The following BICC1 variants were observed in gnomAD, a reference collection of about 807,000 sequenced individuals.
The protein encoded by BICC1 is protein bicaudal C homolog 1.
In BICC1, 43 loss-of-function variants were observed where a neutral mutation model predicts 111.0. That is an observed-to-expected ratio of 0.39 (90% CI 0.30 to 0.50). The LOEUF (loss-of-function observed/expected upper bound fraction) is 0.50, where lower values mean the gene tolerates loss of function less well. BICC1 is among the 20% of genes least tolerant of loss of function. BICC1 has a pLI of 0.88. For synonymous variants in BICC1, 467 were observed against 434.4 expected (o/e 1.07, Z -0.93); for missense variants, 1,091 against 1,203.2 (o/e 0.91, Z 1.38).
intron 3 of BICC1, among the ~76,000 whole-genome samples, chr10:58,779,548 C>G (rs141042231): frequency 3.7e-4 from 56 of 152,246 alleles, no homozygotes; most frequent in Non-Finnish European, 7.1e-4. Context: ...AGTTTAAGAA[C>G]CTTATAGTAC....
intron 1 of BICC1, among the ~76,000 whole-genome samples, chr10:58,609,276 C>T (rs74477099): frequency 0.036 from 5,515 of 152,278 alleles, 311 homozygotes; most frequent in African/African-American, 0.13. Flanking sequence ...TTCCTTCCTC[C>T]TGCAAAATGT....
At chr10:58,614,657 C>G (rs1446782456) in intron 1 of BICC1, among the ~76,000 whole-genome samples, 2 of 151,978 alleles carry the variant, frequency 1.3e-5, no homozygotes, top group African/African-American at 4.8e-5. Context: ...TTTTATTCAT[C>G]TGGAGGTTGA....
At chr10:58,639,868 A>G (rs577697781) in intron 2 of BICC1, among the ~76,000 whole-genome samples, 133 of 151,792 alleles carry the variant, frequency 8.8e-4, no homozygotes, top group African/African-American at 3.0e-3. Flanking sequence ...ATGTGCCACC[A>G]TGCCTGGCTA....
rs776090151 is a variant in BICC1 at position 58,799,452 on chromosome 10, TA to T, written c.1725+201del. ...TTTTTTTCAACTTTTATTTTAGGTT[TA>T]GGGGGCACATATGCAGGTTTGTTAC... On this transcript the variant is annotated intron_variant, in intron 12 of 20. Transcript: ENST00000373886. 6.6e-4 allele frequency among the ~76,000 whole-genome samples: 100 copies of T among 152,200 alleles called. 2 individuals carry two copies. The highest frequency in any genetic ancestry group is 2.2e-4 in the Non-Finnish European group (15 of 68,022).
rs571412154 is a variant in BICC1, at chr10:58,641,277, C to T, written c.237+20376C>T. ...CGATGGCTGCTATTCATTATCTACTCTGTGTTGGACAGGCTCGGGGTTTTG... is the reference window on the plus strand; with the variant it reads ...CGATGGCTGCTATTCATTATCTACTTTGTGTTGGACAGGCTCGGGGTTTTG... On this transcript the variant is annotated intron_variant, in intron 2 of 20. Transcript: ENST00000373886. Among the ~76,000 whole-genome samples the T allele has an allele frequency of 2.0e-5, 3 of 152,280 alleles. No individual in the cohort carries two copies. In the East Asian group the frequency reaches 5.8e-4, roughly 29 times the overall value.
At chr10:58,813,314 G>A (rs1377597639) in intron 17 of BICC1, among the ~76,000 whole-genome samples, 1 of 152,136 alleles carries the variant, frequency 6.6e-6, no homozygotes, top group African/African-American at 2.4e-5. Flanking sequence ...TATGTAATTT[G>A]TTAGAGAGAT....
intron 1 of BICC1, among the ~76,000 whole-genome samples, chr10:58,573,988 T>C (rs1844037217): frequency 6.6e-6 from 1 of 152,158 alleles, no homozygotes; most frequent in Non-Finnish European, 1.5e-5. Flanking sequence ...TCCATTTTGC[T>C]AACTAACAAA....
intron 10 of BICC1, 89 bp from the exon 11 acceptor site, chr10:58,798,310 T>C: frequency 1.0e-6 from 1 of 956,628 alleles, no homozygotes; most frequent in Non-Finnish European, 1.5e-6. Flanking sequence ...GATTATATCA[T>C]TGTGCATTCC....
intron 1 of BICC1, among the ~76,000 whole-genome samples, chr10:58,601,802 T>C (rs1866168): frequency 0.29 from 43,315 of 151,974 alleles, 6,485 homozygotes; most frequent in East Asian, 0.45. Flanking sequence ...TTAAGTTACC[T>C]GGGAAAATAC....
At chr10:58,702,513 GT>G (rs546798419) in intron 3 of BICC1, among the ~76,000 whole-genome samples, 21 of 147,796 alleles carry the variant, frequency 1.4e-4, no homozygotes, top group African/African-American at 2.2e-4. Context: ...TTAATAGCTG[GT>G]TTTTTTTTTC....
At chr10:58,694,870 G>A (rs1410795931) in intron 2 of BICC1, among the ~76,000 whole-genome samples, 2 of 152,072 alleles carry the variant, frequency 1.3e-5, no homozygotes, top group Non-Finnish European at 1.5e-5. Context: ...CTGAGAGGTG[G>A]AGCTTTCAGA....
chr10:58,665,164 C>T (rs1400115638), intron 2 of BICC1, among the ~76,000 whole-genome samples: 3 of 152,064 alleles, frequency 2.0e-5, no homozygotes, highest in African/African-American at 4.8e-5. Context: ...TTCCCAGCCT[C>T]AGTTTTAGTC....
chr10:58,820,545 AC>A, intron 20 of BICC1, 77 bp downstream of exon 20: 1 of 1,046,634 alleles, frequency 9.6e-7, no homozygotes, highest in Non-Finnish European at 1.5e-6. Flanking sequence ...GGTTGTTTCT[AC>A]CCATTAACTG....
At chr10:58,645,620 G>A (rs1416635463) in intron 2 of BICC1, among the ~76,000 whole-genome samples, 1 of 152,080 alleles carries the variant, frequency 6.6e-6, no homozygotes, top group African/African-American at 2.4e-5. Flanking sequence ...GGCTCGCAGT[G>A]TAGTAAACCC....
chr10:58,660,813 C>A (rs1410148307), intron 2 of BICC1, among the ~76,000 whole-genome samples: 2 of 152,198 alleles, frequency 1.3e-5, no homozygotes, highest in African/African-American at 4.8e-5. Flanking sequence ...AAAGTCACCC[C>A]AGGCGACTTC....
intron 2 of BICC1, among the ~76,000 whole-genome samples, chr10:58,639,793 G>A (rs1244287810): frequency 7.2e-6 from 1 of 138,236 alleles, no homozygotes; most frequent in Non-Finnish European, 1.5e-5. Context: ...GCTCAATGAA[G>A]CCTCAACCTC....
rs1476430173 is a variant in BICC1, at chr10:58,620,858, C to T, written c.194C>T (p.Ala65Val). Residue 65 changes from alanine (A) to valine (V), a missense_variant, in exon 2 of 21, where the codon GCT becomes GTT. This residue lies in a region of BICC1 where 843 missense variants were observed against 900.8 expected (regional missense o/e 0.94). Transcript: ENST00000373886. ...RKKLEAMLQAAAEGKGRSGED... is the reference protein window; with the variant it reads ...RKKLEAMLQAVAEGKGRSGED... ...ATGTGCACATTTTTATTTACAGCTG[C>T]TGCTGAAGGGAAAGGCAGAAGTGGG... is the stretch of plus-strand genomic sequence containing the variant. 1 of 1,612,864 alleles carries T rather than the reference C, an allele frequency of 6.2e-7. No homozygotes were observed. The highest frequency in any genetic ancestry group is 8.5e-7 in the Non-Finnish European group (1 of 1,179,586).
At chr10:58,759,927 C>G (rs943800219) in intron 3 of BICC1, among the ~76,000 whole-genome samples, 3 of 150,174 alleles carry the variant, frequency 2.0e-5, no homozygotes, top group African/African-American at 7.4e-5. Flanking sequence ...CTACCACACT[C>G]CAGCCTGGGC....
chr10:58,634,876 G>A (rs1047401310), intron 2 of BICC1, among the ~76,000 whole-genome samples: 23 of 152,062 alleles, frequency 1.5e-4, no homozygotes, highest in African/African-American at 5.6e-4. Context: ...TAAGAAAATC[G>A]TAAGGAAGAG....
Sources: gnomAD v4.1 joint callset for allele counts (sites outside exome capture counted in the v4.1 genomes callset) on GRCh38, gnomAD v4.1.1 for gene constraint, gnomAD v4.1.1 regional missense constraint, MANE v1.5 for transcripts, NCBI Gene and HGNC (gene_info 2026-07-23, HGNC 2026-07-21) for gene names.